The following MACROD2 variants were observed in gnomAD, a reference collection of about 807,000 sequenced individuals.
The protein encoded by MACROD2 is mono-ADP ribosylhydrolase 2.
In MACROD2, 36 loss-of-function variants were observed where a neutral mutation model predicts 70.4. The ratio of observed to expected loss-of-function variants is 0.51; its 90% CI spans 0.39 to 0.68. The LOEUF (loss-of-function observed/expected upper bound fraction) is 0.68. Ranked by LOEUF, MACROD2 falls within the 30% of genes least tolerant of loss-of-function variation. The pLI, the probability that MACROD2 is intolerant of heterozygous loss-of-function variation, is 0.00. For missense variants in MACROD2, 496 were observed against 538.4 expected (o/e 0.92, Z 0.78); for synonymous variants, 172 against 178.8 (o/e 0.96, Z 0.30).
chr20:14,913,194 A>G (rs896412086), intron 5 of MACROD2, among the ~76,000 whole-genome samples: 5 of 152,140 alleles, frequency 3.3e-5, no homozygotes, highest in Non-Finnish European at 7.4e-5. Flanking sequence ...GGAGACTAAG[A>G]TAGAAAATTA....
intron 8 of MACROD2, among the ~76,000 whole-genome samples, chr20:15,592,995 G>A (rs2048698676): frequency 6.6e-6 from 1 of 152,136 alleles, no homozygotes; most frequent in African/African-American, 2.4e-5. Context: ...ACCAATCTGA[G>A]TGACATATCT....
chr20:15,559,010 C>T lies in MACROD2; in HGVS notation c.645+59163C>T, dbSNP rs186644886. Among the ~76,000 whole-genome samples, 14 of 152,032 alleles carry T rather than the reference C, an allele frequency of 9.2e-5. No homozygotes were observed. The East Asian group carries it at 1.7e-3, about 19-fold the overall frequency. On this transcript the variant is annotated intron_variant, in intron 8 of 17. Coordinates refer to ENST00000684519, the MANE Select transcript of MACROD2 (RefSeq NM_001351661.2). ...TTGGGAGGCCGAGACGGGCGGATCACGAGGTCAGGAGATCGAGACCATCCT... is the reference window on the plus strand; with the variant it reads ...TTGGGAGGCCGAGACGGGCGGATCATGAGGTCAGGAGATCGAGACCATCCT...
chr20:14,832,355 G>A (rs1331448891), intron 5 of MACROD2, among the ~76,000 whole-genome samples: 1 of 151,898 alleles, frequency 6.6e-6, no homozygotes, highest in Non-Finnish European at 1.5e-5. Flanking sequence ...ATTGTGTTTT[G>A]CAAGTAAGGG....
chr20:14,907,874 TC>T (rs2073978361), intron 5 of MACROD2, among the ~76,000 whole-genome samples: 1 of 152,156 alleles, frequency 6.6e-6, no homozygotes, highest in Admixed American at 6.5e-5. Context: ...TGGGGACACT[TC>T]CCCTTTTAGG....
intron 8 of MACROD2, among the ~76,000 whole-genome samples, chr20:15,856,271 T>C (rs946693728): frequency 1.3e-5 from 2 of 152,206 alleles, no homozygotes; most frequent in African/African-American, 4.8e-5. Context: ...AGGGCATCAT[T>C]GTTGCTACTG....
intron 5 of MACROD2, among the ~76,000 whole-genome samples, chr20:15,025,860 A>T (rs2075227237): frequency 6.6e-6 from 1 of 152,036 alleles, no homozygotes; most frequent in Non-Finnish European, 1.5e-5. Context: ...ATCCCCCTCA[A>T]CCCATTGAGA....
At chr20:14,105,689 C>T (rs552060516) in intron 3 of MACROD2, among the ~76,000 whole-genome samples, 1 of 152,274 alleles carries the variant, frequency 6.6e-6, no homozygotes, top group Non-Finnish European at 1.5e-5. Flanking sequence ...AGGGAGTGCA[C>T]CATCCCTCTT....
At chr20:15,910,876 A>G (rs140328235) in intron 10 of MACROD2, among the ~76,000 whole-genome samples, 57 of 152,326 alleles carry the variant, frequency 3.7e-4, no homozygotes, top group Middle Eastern at 3.4e-3. Flanking sequence ...AGTCTATTTG[A>G]TACTTAATTA....
intron 8 of MACROD2, among the ~76,000 whole-genome samples, chr20:15,539,181 G>A (rs563944460): frequency 5.6e-4 from 85 of 152,242 alleles, no homozygotes; most frequent in Non-Finnish European, 9.0e-4. Flanking sequence ...TTTGCAGCAA[G>A]CTTCAAAATC....
chr20:15,647,414 CAT>C (rs34853576), intron 8 of MACROD2, among the ~76,000 whole-genome samples: 16,441 of 152,106 alleles, frequency 0.11, 1,378 homozygotes, highest in African/African-American at 0.21. Flanking sequence ...GAGAGGAAGT[CAT>C]AGAGTTAGCA....
intron 4 of MACROD2, among the ~76,000 whole-genome samples, chr20:14,531,853 G>A (rs952164533): frequency 1.3e-5 from 2 of 152,136 alleles, no homozygotes; most frequent in African/African-American, 4.8e-5. Flanking sequence ...GCTTCCTCAA[G>A]CCTCTAAGGA....
chr20:14,054,373 C>CTGTA (rs2053609141), intron 2 of MACROD2, among the ~76,000 whole-genome samples: 2 of 151,954 alleles, frequency 1.3e-5, no homozygotes, highest in Non-Finnish European at 2.9e-5. Context: ...AGACCATTTA[C>CTGTA]TGTAGCAACA....
intron 4 of MACROD2, among the ~76,000 whole-genome samples, chr20:14,545,721 CTA>C (rs1316478182): frequency 2.6e-5 from 4 of 152,078 alleles, no homozygotes; most frequent in African/African-American, 9.7e-5. Context: ...TGGGAAAACA[CTA>C]TTAATTTGAA....
At chr20:14,413,880 C>T (rs1181039395) in intron 3 of MACROD2, among the ~76,000 whole-genome samples, 1 of 123,764 alleles carries the variant, frequency 8.1e-6, no homozygotes, top group Non-Finnish European at 1.7e-5. Context: ...GGTGTGAATG[C>T]AACATTTATA....
chr20:15,962,303 C>G (rs189001238), intron 12 of MACROD2, among the ~76,000 whole-genome samples: 2 of 152,246 alleles, frequency 1.3e-5, no homozygotes, highest in African/African-American at 2.4e-5. Context: ...ATCAGATTAG[C>G]TTTGTAAGGT....
intron 8 of MACROD2, among the ~76,000 whole-genome samples, chr20:15,583,628 T>TTTTTTG (rs145519865): frequency 4.6e-5 from 7 of 152,012 alleles, no homozygotes; most frequent in African/African-American, 9.7e-5. Context: ...ATGCCATGTG[T>TTTTTTG]TTTTTGTTTT....
At chr20:15,267,992 G>C (rs2077312000) in intron 6 of MACROD2, among the ~76,000 whole-genome samples, 1 of 152,120 alleles carries the variant, frequency 6.6e-6, no homozygotes, top group South Asian at 2.1e-4. Flanking sequence ...AATCTTTCCT[G>C]GTCATGTGAC....
intron 5 of MACROD2, among the ~76,000 whole-genome samples, chr20:14,773,869 G>A (rs6042912): frequency 0.03 from 4,493 of 152,136 alleles, 193 homozygotes; most frequent in East Asian, 0.11. Flanking sequence ...GTCCTTATGT[G>A]ATGTAGCTAT....
chr20:15,144,059 C>T (rs957909021), intron 5 of MACROD2, among the ~76,000 whole-genome samples: 9 of 150,480 alleles, frequency 6.0e-5, no homozygotes, highest in East Asian at 2.0e-4. Flanking sequence ...TCGTGGGCCG[C>T]GGGTTGGACG....
Sources: allele counts gnomAD v4.1 joint callset (sites outside exome capture counted in the v4.1 genomes callset), GRCh38; gene constraint gnomAD v4.1.1; transcripts MANE v1.5; gene names NCBI Gene and HGNC (gene_info 2026-07-23, HGNC 2026-07-21).